The following FAT3 variants were observed in gnomAD, a reference collection of about 807,000 sequenced individuals.
The protein encoded by FAT3 is FAT atypical cadherin 3.
In FAT3, 95 loss-of-function variants were observed where a neutral mutation model predicts 310.2. The ratio of observed to expected loss-of-function variants is 0.31; its 90% confidence interval spans 0.26 to 0.36. The LOEUF is 0.36. Among genes scored for constraint, FAT3 ranks in the 10% least tolerant of loss-of-function variants. FAT3 has a pLI of 1.00. For missense variants in FAT3, 5,408 were observed against 5,715.6 expected, an observed-to-expected ratio of 0.95 and a Z score of 1.74; for synonymous variants, 2,314 against 2,192.9, an observed-to-expected ratio of 1.06 and a Z score of -1.54.
chr11:92,375,715 A>G (rs1037803773), intron 2 of FAT3, among the ~76,000 whole-genome samples: 1 of 152,230 alleles, frequency 6.6e-6, no homozygotes, highest in Non-Finnish European at 1.5e-5. Context: ...GTAAGTAAGC[A>G]TCACCTTTTA....
At chr11:92,457,791 G>A (rs989761974) in intron 2 of FAT3, among the ~76,000 whole-genome samples, 8 of 152,168 alleles carry the variant, frequency 5.3e-5, no homozygotes, top group South Asian at 2.1e-4. Flanking sequence ...GTACGGTGGC[G>A]TGCACCTGTA....
chr11:92,488,225 G>A (rs923256679), intron 2 of FAT3, among the ~76,000 whole-genome samples: 9 of 152,098 alleles, frequency 5.9e-5, no homozygotes, highest in Admixed American at 1.3e-4. Context: ...TAATTCTACC[G>A]GCAGCCTGAA....
intron 9 of FAT3, among the ~76,000 whole-genome samples, chr11:92,797,057 A>G (rs1012303840): frequency 6.6e-6 from 1 of 152,192 alleles, no homozygotes; most frequent in African/African-American, 2.4e-5. Flanking sequence ...GGTGAATAGA[A>G]TGGTTACAGA....
chr11:92,498,928 C>G (rs1396036146), intron 2 of FAT3: 6 of 152,232 alleles, frequency 3.9e-5, no homozygotes, highest in Admixed American at 3.9e-4. Flanking sequence ...TTCTTGCTAA[C>G]CGTCATGGTG....
At chr11:92,856,025 G>A (rs12294687) in intron 19 of FAT3, among the ~76,000 whole-genome samples, 30,178 of 143,298 alleles carry the variant, frequency 0.21, 3,523 homozygotes, top group Admixed American at 0.28. Flanking sequence ...CTGTTGCCCA[G>A]GCTAGTGTGC....
chr11:92,393,818 CA>C (rs1949801004), intron 2 of FAT3, among the ~76,000 whole-genome samples: 2 of 152,230 alleles, frequency 1.3e-5, no homozygotes, highest in South Asian at 4.2e-4. Flanking sequence ...TTGTAAGTGG[CA>C]CTAGAGTTTC....
chr11:92,396,488 G>A (rs1392298893), intron 2 of FAT3, among the ~76,000 whole-genome samples: 1 of 152,184 alleles, frequency 6.6e-6, no homozygotes, highest in Non-Finnish European at 1.5e-5. Flanking sequence ...AAATCATGGA[G>A]TGGTTTATTG....
chr11:92,847,926 C>T (rs1408260501), intron 19 of FAT3, among the ~76,000 whole-genome samples: 5 of 152,032 alleles, frequency 3.3e-5, no homozygotes, highest in Non-Finnish European at 7.4e-5. Flanking sequence ...CAAACACACA[C>T]ACACACACAC....
At chr11:92,832,863 C>T (rs1209844068) in intron 14 of FAT3, among the ~76,000 whole-genome samples, 1 of 152,122 alleles carries the variant, frequency 6.6e-6, no homozygotes, top group Non-Finnish European at 1.5e-5. Context: ...CCTTCTCAAC[C>T]CAGCACCCCA....
intron 1 of FAT3, among the ~76,000 whole-genome samples, chr11:92,248,825 G>A (rs1271262341): frequency 6.6e-6 from 1 of 152,034 alleles, no homozygotes; most frequent in Non-Finnish European, 1.5e-5. Flanking sequence ...TTCCCAAGGG[G>A]CAGAATAAAT....
chr11:92,273,090 T>C (rs1946171713), intron 1 of FAT3, among the ~76,000 whole-genome samples: 1 of 152,128 alleles, frequency 6.6e-6, no homozygotes, highest in Admixed American at 6.6e-5. Context: ...ATCAATCCTC[T>C]ATTTTACTTA....
At chr11:92,459,677 G>A (rs1400844764) in intron 2 of FAT3, among the ~76,000 whole-genome samples, 1 of 152,040 alleles carries the variant, frequency 6.6e-6, no homozygotes, top group Non-Finnish European at 1.5e-5. Context: ...GAGCAGATGG[G>A]GTCTCATTCA....
intron 1 of FAT3, among the ~76,000 whole-genome samples, chr11:92,294,891 A>C (rs1295429515): frequency 6.6e-6 from 1 of 152,108 alleles, no homozygotes; most frequent in Non-Finnish European, 1.5e-5. Flanking sequence ...GTTTTTAAAG[A>C]CATCATTGAA....
At chr11:92,747,910 C>CT (rs539904774) in intron 4 of FAT3, among the ~76,000 whole-genome samples, 224 of 152,338 alleles carry the variant, frequency 1.5e-3, no homozygotes, top group African/African-American at 5.1e-3. Flanking sequence ...TTCAGCAAGT[C>CT]TTTAGGAAGT....
At chr11:92,615,178 T>G (rs988954784) in intron 3 of FAT3, among the ~76,000 whole-genome samples, 1 of 152,226 alleles carries the variant, frequency 6.6e-6, no homozygotes, top group Non-Finnish European at 1.5e-5. Flanking sequence ...GTTTGGGCTA[T>G]TTTGTTCCTT....
intron 1 of FAT3, among the ~76,000 whole-genome samples, chr11:92,289,382 C>T (rs1946636769): frequency 6.6e-6 from 1 of 151,846 alleles, no homozygotes; most frequent in Admixed American, 6.6e-5. Context: ...TAAAATGTCA[C>T]ATGTCCAAGA....
chr11:92,792,791 C>G lies in FAT3; in HGVS notation c.4636C>G (p.Arg1546Gly), dbSNP rs866154457. ...IMVRDQEFPY[R>G]RNLARVIVNV... ...GGTCAGAGATCAGGAGTTTCCTTAT[C>G]GAAGAAACTTGGCCCGAGTCATTGT... is the stretch of plus-strand genomic sequence containing the variant. The change falls in exon 9 of 28, where the codon CGA becomes GGA. Residue 1546 changes from arginine to glycine, a missense_variant. This residue lies in a region of FAT3 where 4,588 missense variants were observed against 4,809.8 expected (regional missense o/e 0.95). Coordinates refer to ENST00000525166, the MANE Select transcript of FAT3 (RefSeq NM_001367949.2). 5.6e-6 allele frequency: 9 copies of G among 1,613,606 alleles called. No homozygotes were observed. Among genetic ancestry groups the G allele is most frequent in the Non-Finnish European group, 7.6e-6 (9 of 1,179,726 alleles).
At chr11:92,412,545 C>A (rs1320995514) in intron 2 of FAT3, among the ~76,000 whole-genome samples, 2 of 147,512 alleles carry the variant, frequency 1.4e-5, no homozygotes, top group African/African-American at 4.9e-5. Flanking sequence ...TAGGTACCAA[C>A]CATTGTCTGG....
rs183238890 is a variant in FAT3 at position 92,236,426 on chromosome 11, T to G, written c.-18+11252T>G. On this transcript the variant is annotated intron_variant, in intron 1 of 27. Transcript: ENST00000525166. ...CAATTACACTGCACTATATTCATTA[T>G]TTGAGGGGCAGGCTGGTGAAATCAA... Among the ~76,000 whole-genome samples, 37 of 152,332 alleles carry G rather than the reference T, an allele frequency of 2.4e-4. 1 individual carries two copies. The highest frequency in any genetic ancestry group is 8.2e-4 in the African/African-American group (34 of 41,584).
Sources: allele counts gnomAD v4.1 joint callset (sites outside exome capture counted in the v4.1 genomes callset), GRCh38; gene constraint gnomAD v4.1.1; regional missense constraint gnomAD v4.1.1; transcripts MANE v1.5; gene names NCBI Gene and HGNC (gene_info 2026-07-23, HGNC 2026-07-21).